Variants in MUC6 observed in about 807,000 individuals in gnomAD.
MUC6 encodes the protein mucin 6, oligomeric mucus/gel-forming (gene/pseudogene).
Under a neutral mutation model 201.5 loss-of-function variants are expected in MUC6, and 188 were observed. That is an observed-to-expected ratio of 0.93 (90% CI 0.83 to 1.05). MUC6 has a LOEUF of 1.05. Ranked by LOEUF, MUC6 falls within the 50% of genes least tolerant of loss-of-function variation. MUC6 has a pLI of 0.00. For missense variants in MUC6, 2,706 were observed against 3,256.9 expected, an observed-to-expected ratio of 0.83 and a Z score of 4.12; for synonymous variants, 1,228 against 1,389.4, an observed-to-expected ratio of 0.88 and a Z score of 2.58.
intron 26 of MUC6, among the ~76,000 whole-genome samples, chr11:1,021,870 C>T (rs1354762863): frequency 2.6e-5 from 4 of 152,010 alleles, no homozygotes; most frequent in South Asian, 4.1e-4. Context: ...TCTGTGTGTC[C>T]GGATGGCTCC....
chr11:1,029,670 C>T, intron 8 of MUC6, 55 bp from the exon 9 acceptor site: 1 of 1,513,652 alleles, frequency 6.6e-7, no homozygotes, highest in African/African-American at 1.4e-5. Flanking sequence ...TCCCACTCTC[C>T]CCTCCCTGGC....
rs1327378537 is a variant in MUC6, at chr11:1,016,167, G to C, written c.6634C>G (p.Leu2212Val). ...AAAGGAGAGGAGATAGTGTGGGGGA[G>C]AGTGGCCCTAATGGTAGTAGAGGCA... ...PAASTTIRAT[L>V]PHTISSPFTL... is the part of the protein sequence containing the mutation. The change falls in exon 31 of 33, where the codon CTC becomes GTC. Residue 2212 changes from leucine to valine, a missense_variant. By Grantham distance (32) the Leu-to-Val change is conservative (BLOSUM62 1). Coordinates refer to ENST00000421673, the MANE Select transcript of MUC6 (RefSeq NM_005961.3). 4.3e-6 allele frequency: 7 copies of C among 1,613,478 alleles called. No homozygotes were observed. Among genetic ancestry groups the C allele is most frequent in the Non-Finnish European group, 5.9e-6 (7 of 1,179,796 alleles).
At position 1,016,231 on chromosome 11, in the gene MUC6, T is replaced by G. The variant is rs1350397175; in HGVS notation, c.6570A>C (p.Ala2190=). Reference sequence around the variant, plus strand: ...GAAAAAGAGGAGATGCAGACACTGATGCAGTCGTGGGATGAGTGGACAATG... The same window carrying G: ...GAAAAAGAGGAGATGCAGACACTGAGGCAGTCGTGGGATGAGTGGACAATG... ...HSSLSTHPTT[A]SVSASPLFPS... The change falls in exon 31 of 33, where the codon GCA becomes GCC. Residue 2190 remains alanine, a synonymous_variant. Transcript: ENST00000421673. The G allele has an allele frequency of 6.2e-7, 1 of 1,613,136 alleles. No individual in the cohort carries two copies. Among genetic ancestry groups the G allele is most frequent in the Non-Finnish European group, 8.5e-7 (1 of 1,179,700 alleles).
At chr11:1,028,828 C>A (rs770283778) in intron 12 of MUC6, 45 bp from the exon 13 acceptor site, 7 of 1,609,168 alleles carry the variant, frequency 4.4e-6, no homozygotes, top group Non-Finnish European at 4.2e-6. Flanking sequence ...TCCCTCCCCA[C>A]CCACTGCAGC....
chr11:1,028,076 C>A lies in MUC6; in HGVS notation c.1754-17G>T, dbSNP rs201308190. The A allele has an allele frequency of 1.7e-4, 268 of 1,558,388 alleles. 1 individual carries two copies. The African/African-American group carries it at 3.3e-3, about 19-fold the overall frequency. ...CACACACCTCTGGGGATGACAGGCC[C>A]GGGCGTGAGTCCCGGCCCCTCCCAT... is the stretch of plus-strand genomic sequence containing the variant. On this transcript the variant is annotated splice_polypyrimidine_tract_variant and intron_variant, in intron 14 of 32. Coordinates refer to ENST00000421673, the MANE Select transcript of MUC6 (RefSeq NM_005961.3).
intron 1 of MUC6, 71 bp downstream of exon 1, chr11:1,036,533 G>T: frequency 6.6e-7 from 1 of 1,505,678 alleles, no homozygotes. Flanking sequence ...AGGCGAGAAG[G>T]CCCAGAGACC....
chr11:1,021,980 C>A (rs1316650335), intron 26 of MUC6, among the ~76,000 whole-genome samples: 1 of 151,774 alleles, frequency 6.6e-6, no homozygotes, highest in Non-Finnish European at 1.5e-5. Flanking sequence ...CTCACAAAGA[C>A]CCCTCCCTCC....
rs1447629355 is a variant in MUC6, at chr11:1,016,102, C to T, written c.6699G>A (p.Val2233=). The T allele has an allele frequency of 6.2e-7, 1 of 1,612,570 alleles. No homozygotes were observed. Among genetic ancestry groups the T allele is most frequent in the African/African-American group, 1.3e-5 (1 of 74,632 alleles). ...SALLPISTVT[V]SPTPSSHLAS... ...CTAGGTGGCTGGATGGGGTGGGAGA[C>T]ACGGTAACAGTGGATATGGGGAGTA... The change falls in exon 31 of 33, where the codon GTG becomes GTA. Residue 2233 remains valine, a synonymous_variant. Coordinates refer to ENST00000421673, the MANE Select transcript of MUC6 (RefSeq NM_005961.3).
chr11:1,025,855 AGATGACGT>A lies in MUC6; in HGVS notation c.2741_2748del (p.Asn914MetfsTer177). 6.2e-7 allele frequency: 1 copy of A among 1,613,074 alleles called. No homozygotes were observed. Among genetic ancestry groups the A allele is most frequent in the South Asian group, 1.1e-5 (1 of 91,020 alleles). On this transcript the variant is annotated frameshift_variant, in exon 22 of 33. Transcript: ENST00000421673. LOFTEE classifies it high-confidence loss of function. ...GAGCATGTGACCCCGGAGTTCCCAC[AGATGACGT>A]TCTCTGTCAGGATCTTGAAGGTGGG...
chr11:1,024,049 T>C lies in MUC6; in HGVS notation c.3280A>G (p.Ser1094Gly), dbSNP rs761036034. ...CACAGACACTCACAGTCCCCGCCAC[T>C]GTCACACCCACATGCGTCGCGCACG... ...ACVRDACGCD[S>G]GGDCECLCDA... Residue 1094 changes from serine to glycine, a missense_variant, in exon 25 of 33, where the codon AGT (serine) becomes GGT (glycine). Around this residue, in one of 10 missense-constraint regions of MUC6, gnomAD observed 1,850 missense variants for 1,958.3 expected, o/e 0.94. Coordinates refer to ENST00000421673, the MANE Select transcript of MUC6 (RefSeq NM_005961.3). 3 of 1,613,128 alleles carry C rather than the reference T, an allele frequency of 1.9e-6. No individual in the cohort carries two copies. Among genetic ancestry groups the C allele is most frequent in the Admixed American group, 1.7e-5 (1 of 60,006 alleles).
In MUC6 at chr11:1,028,959, G is replaced by T; in HGVS notation, c.1383C>A (p.Asp461Glu). 6.2e-7 allele frequency: 1 copy of T among 1,613,168 alleles called. No homozygotes were observed. Among genetic ancestry groups the T allele is most frequent in the Admixed American group, 1.7e-5 (1 of 60,030 alleles). Residue 461 changes from aspartate (D) to glutamate (E), a missense_variant and splice_region_variant, in exon 12 of 33, where the codon GAC becomes GAA. This residue lies in a region of MUC6 where 1,850 missense variants were observed against 1,958.3 expected (regional missense o/e 0.94). Transcript: ENST00000421673. Reference sequence around the variant, plus strand: ...CCTCGTCCTGAGAGATCACAATTTTGTCCTGGAGAGAGGGTGGCCTGAGTC... The same window carrying T: ...CCTCGTCCTGAGAGATCACAATTTTTTCCTGGAGAGAGGGTGGCCTGAGTC... ...LVAVVYLSRQDKIVISQDEVV... is the reference protein window; with the variant it reads ...LVAVVYLSRQEKIVISQDEVV...
Position 1,028,385 on chromosome 11 carries a change from G to T in MUC6, c.1594C>A (p.Leu532Ile), listed in dbSNP as rs770776991. The T allele has an allele frequency of 5.0e-6, 8 of 1,611,812 alleles. No individual in the cohort carries two copies. The highest frequency in any genetic ancestry group is 1.7e-5 in the Admixed American group (1 of 59,988). ...GPQFRGQTRG[L>I]CGNFNGDTTD... ...GTGTCCCCGTTGAAGTTGCCGCAGA[G>T]CCCTGAGCCGGCGGGGCGTGAGCTC... is the stretch of plus-strand genomic sequence containing the variant. Residue 532 changes from leucine to isoleucine, a missense_variant and splice_region_variant, in exon 14 of 33, where the codon CTC (leucine) becomes ATC (isoleucine). By Grantham distance (5) the Leu-to-Ile change is conservative (BLOSUM62 2). Coordinates refer to ENST00000421673, the MANE Select transcript of MUC6 (RefSeq NM_005961.3).
chr11:1,031,782 G>A (rs775796404), intron 3 of MUC6, 31 bp downstream of exon 3: 10 of 1,560,496 alleles, frequency 6.4e-6, no homozygotes, highest in African/African-American at 2.7e-5. Context: ...TCCGGCCCCC[G>A]AGCCCCCGGG....
chr11:1,026,515 G>A, intron 19 of MUC6, 37 bp from the exon 20 acceptor site: 1 of 1,527,872 alleles, frequency 6.5e-7, no homozygotes, highest in Non-Finnish European at 8.8e-7. Context: ...TGGGAGGGTG[G>A]CCTCAGCCAG....
chr11:1,024,663 C>A (rs945269029), intron 24 of MUC6, among the ~76,000 whole-genome samples, 181 bp downstream of exon 24: 17 of 152,168 alleles, frequency 1.1e-4, no homozygotes, highest in African/African-American at 3.9e-4. Flanking sequence ...CCACAGTGCA[C>A]GAGTCGGCCC....
chr11:1,032,979 T>C (rs762045658), intron 2 of MUC6, 34 bp downstream of exon 2: 2 of 1,553,250 alleles, frequency 1.3e-6, no homozygotes, highest in African/African-American at 2.7e-5. Context: ...CTGGGTGGTC[T>C]GGGCGGCAGG....
In MUC6 at chr11:1,013,946, C is replaced by T. The variant is rs746585258; in HGVS notation, c.7095G>A (p.Ala2365=). ...QEEITFKGCM[A]NVTVTRCEGA... is the part of the protein sequence containing the mutation. ...CCTCACAGCGGGTTACCGTCACGTT[C>T]GCCATGCACCCCTTGAACGTGATCT... The change falls in exon 32 of 33, where the codon GCG becomes GCA. Residue 2365 remains alanine (A), a synonymous_variant. Transcript: ENST00000421673. 31 of 1,608,938 alleles carry T rather than the reference C, an allele frequency of 1.9e-5. No homozygotes were observed. Among genetic ancestry groups the T allele is most frequent in the African/African-American group, 4.0e-5 (3 of 74,880 alleles).
Position 1,027,289 on chromosome 11 carries a change from G to A in MUC6, c.2210C>T (p.Thr737Ile), listed in dbSNP as rs563244857. 1.9e-6 allele frequency: 3 copies of A among 1,612,626 alleles called. No homozygotes were observed. The East Asian group carries it at 6.7e-5, about 36-fold the overall frequency. ...GYKFILAEQS[T>I]VINGITCHCI... ...TCACCAGGTGATGCCGTTGATGACA[G>A]TGGACTGCTCGGCCAGGATGAACTT... is the stretch of plus-strand genomic sequence containing the variant. The change falls in exon 17 of 33, where the codon ACT becomes ATT. Residue 737 changes from threonine (T) to isoleucine (I), a missense_variant. By Grantham distance (89) the Thr-to-Ile change is moderately conservative. This residue lies in a region of MUC6 where 1,850 missense variants were observed against 1,958.3 expected (regional missense o/e 0.94). Transcript: ENST00000421673.
In MUC6 at chr11:1,033,578, C is replaced by T. The variant is rs945171448; in HGVS notation, c.53-503G>A. On this transcript the variant is annotated intron_variant, in intron 1 of 32. Coordinates refer to ENST00000421673, the MANE Select transcript of MUC6 (RefSeq NM_005961.3). This position sits in a 1 kb window ranked among gnomAD's most constrained non-coding sequence, Gnocchi z 5.6. ...CTCTAAACATGGCCGCTTTCCTGCA[C>T]GTCAGCCTTGAGACAGCCTTGATGT... Among the ~76,000 whole-genome samples the T allele has an allele frequency of 5.3e-5, 8 of 152,070 alleles. No individual in the cohort carries two copies. The highest frequency in any genetic ancestry group is 2.6e-4 in the Admixed American group (4 of 15,274).
Sources: gnomAD v4.1 joint callset for allele counts (sites outside exome capture counted in the v4.1 genomes callset) on GRCh38, gnomAD v4.1.1 for gene constraint, gnomAD v4.1.1 regional missense constraint, Gnocchi (gnomAD v3.1) non-coding constraint, MANE v1.5 for transcripts, NCBI Gene and HGNC (gene_info 2026-07-23, HGNC 2026-07-21) for gene names.